The following CDH23 variants were observed in gnomAD, a reference collection of about 807,000 sequenced individuals.
CDH23 encodes the protein cadherin related 23.
CDH23 carries 189 observed loss-of-function variants against 317.1 expected under a neutral mutation model. That is an observed-to-expected ratio of 0.60 (90% CI 0.53 to 0.67). The LOEUF is 0.67. CDH23 is among the 30% of genes least tolerant of loss of function. CDH23 has a pLI of 0.00. For synonymous variants in CDH23, 1,839 were observed against 1,876.8 expected (o/e 0.98, Z 0.52); for missense variants, 4,401 against 4,592.4 (o/e 0.96, Z 1.20).
chr10:71,552,816 T>C (rs1856671853), intron 6 of CDH23, among the ~76,000 whole-genome samples: 1 of 152,136 alleles, frequency 6.6e-6, no homozygotes, highest in Non-Finnish European at 1.5e-5. Flanking sequence ...GGCTCTTTCT[T>C]CCACCCCATG....
intron 3 of CDH23, among the ~76,000 whole-genome samples, chr10:71,504,935 G>T (rs1853552427): frequency 1.3e-5 from 2 of 152,198 alleles, no homozygotes; most frequent in Admixed American, 6.5e-5. Context: ...CCTGCAGGGA[G>T]AGTGGGGGCT....
At chr10:71,482,615 G>C (rs1852128681) in intron 3 of CDH23, among the ~76,000 whole-genome samples, 1 of 152,216 alleles carries the variant, frequency 6.6e-6, no homozygotes, top group Non-Finnish European at 1.5e-5. Flanking sequence ...GGGGGCACTG[G>C]ACTGCTGGGC....
intron 3 of CDH23, among the ~76,000 whole-genome samples, chr10:71,451,304 G>A (rs911301511): frequency 6.6e-6 from 1 of 152,150 alleles, no homozygotes; most frequent in African/African-American, 2.4e-5. Context: ...GCCATGGATG[G>A]CCCTGCCCAG....
intron 2 of CDH23, among the ~76,000 whole-genome samples, chr10:71,443,746 C>T (rs1850015258): frequency 6.6e-6 from 1 of 152,246 alleles, no homozygotes; most frequent in South Asian, 2.1e-4. Context: ...TCCCCTTCTA[C>T]ATCCACTTAC....
At chr10:71,480,285 C>G (rs1201594370) in intron 3 of CDH23, among the ~76,000 whole-genome samples, 1 of 152,250 alleles carries the variant, frequency 6.6e-6, no homozygotes, top group Non-Finnish European at 1.5e-5. Flanking sequence ...GCCCACATTC[C>G]CGTTCTGTCC....
At chr10:71,555,095 C>T (rs1856805569) in intron 6 of CDH23, among the ~76,000 whole-genome samples, 3 of 152,148 alleles carry the variant, frequency 2.0e-5, no homozygotes, top group Admixed American at 6.5e-5. Flanking sequence ...GCCAATCAGA[C>T]CAATCACTCT....
chr10:71,459,139 A>G (rs10999822), intron 3 of CDH23, among the ~76,000 whole-genome samples: 62,115 of 135,712 alleles, frequency 0.46, 13,804 homozygotes, highest in East Asian at 0.6. Flanking sequence ...CGAGGCTGGC[A>G]CGCAGTGGCA....
At chr10:71,723,487 G>A (rs1422408841) in intron 28 of CDH23, among the ~76,000 whole-genome samples, 1 of 152,200 alleles carries the variant, frequency 6.6e-6, no homozygotes, top group Non-Finnish European at 1.5e-5. Context: ...AGGCCGATCT[G>A]AAGCTAGACT....
chr10:71,809,618 G>A (rs2132995078), intron 60 of CDH23, among the ~76,000 whole-genome samples: 1 of 152,320 alleles, frequency 6.6e-6, no homozygotes, highest in Non-Finnish European at 1.5e-5. Context: ...CCCCTGTGAT[G>A]ATAACCGGCT....
intron 1 of CDH23, among the ~76,000 whole-genome samples, chr10:71,403,322 C>T (rs1186013562): frequency 2.2e-5 from 2 of 92,354 alleles, no homozygotes; most frequent in Non-Finnish European, 3.8e-5. Context: ...TTTCTTCCTT[C>T]CTTCCTTTCT....
intron 61 of CDH23, 41 bp from the exon 62 acceptor site, chr10:71,810,431 T>A: frequency 6.4e-7 from 1 of 1,572,106 alleles, no homozygotes; most frequent in Non-Finnish European, 8.8e-7. Flanking sequence ...TGTGGCCCCC[T>A]GCTGTGGTGG....
intron 38 of CDH23, among the ~76,000 whole-genome samples, chr10:71,773,780 A>G (rs1344575726): frequency 1.3e-5 from 2 of 152,148 alleles, no homozygotes; most frequent in Non-Finnish European, 2.9e-5. Flanking sequence ...TGCGCAGCCT[A>G]AGAAGTAGAT....
Position 71,807,998 on chromosome 10 carries a change from TTC to T in CDH23, c.8714_8715del (p.Phe2905TyrfsTer57). 1 of 1,587,002 alleles carries T rather than the reference TTC, an allele frequency of 6.3e-7. No homozygotes were observed. Among genetic ancestry groups the T allele is most frequent in the Non-Finnish European group, 8.6e-7 (1 of 1,166,110 alleles). ...CGACTCTGAAGATGTGGGCCAGGTC[TTC>T]ACCATGGGTAGGGCCTGGCAGCACA... ...ANDSEDVGQVFTMGSMDGILR... is the reference protein window; with the variant it reads ...ANDSEDVGQVXTMGSMDGILR... On this transcript the variant is annotated frameshift_variant, in exon 60 of 70. Coordinates refer to ENST00000224721, the MANE Select transcript of CDH23 (RefSeq NM_022124.6). LOFTEE classifies it high-confidence loss of function.
chr10:71,525,193 C>T (rs1416526799), intron 6 of CDH23, among the ~76,000 whole-genome samples: 1 of 152,244 alleles, frequency 6.6e-6, no homozygotes, highest in African/African-American at 2.4e-5. Flanking sequence ...AGGCGTGAGC[C>T]ACTGTGCCCG....
intron 8 of CDH23, among the ~76,000 whole-genome samples, chr10:71,577,646 G>A (rs974320458): frequency 6.6e-6 from 1 of 152,174 alleles, no homozygotes; most frequent in African/African-American, 2.4e-5. Context: ...TTCTTCCGTG[G>A]TGGTCCATTT....
chr10:71,528,000 C>A (rs1410795444), intron 6 of CDH23, among the ~76,000 whole-genome samples: 1 of 152,110 alleles, frequency 6.6e-6, no homozygotes, highest in Non-Finnish European at 1.5e-5. Context: ...CCTCAGTTTA[C>A]CCATCTGTGC....
chr10:71,459,776 C>T (rs951427218), intron 3 of CDH23, among the ~76,000 whole-genome samples: 1 of 152,204 alleles, frequency 6.6e-6, no homozygotes, highest in Non-Finnish European at 1.5e-5. Flanking sequence ...GGCTGACTGC[C>T]TCCTGCTGTT....
chr10:71,470,066 C>A (rs996443963), intron 3 of CDH23, among the ~76,000 whole-genome samples: 1 of 152,074 alleles, frequency 6.6e-6, no homozygotes, highest in Non-Finnish European at 1.5e-5. Flanking sequence ...AATTCCTGGG[C>A]TCATGTGATC....
chr10:71,580,719 G>T (rs1339104877), intron 9 of CDH23, among the ~76,000 whole-genome samples: 3 of 152,170 alleles, frequency 2.0e-5, no homozygotes, highest in Admixed American at 2.0e-4. Context: ...CCTATTTCGT[G>T]GGTGTTTGTC....
Sources: gnomAD v4.1 joint callset for allele counts (sites outside exome capture counted in the v4.1 genomes callset) on GRCh38, gnomAD v4.1.1 for gene constraint, MANE v1.5 for transcripts, NCBI Gene and HGNC (gene_info 2026-07-23, HGNC 2026-07-21) for gene names.